Variants in MAPK10 observed in about 807,000 individuals in gnomAD.
MAPK10 encodes the protein mitogen-activated protein kinase 10, also known as JNK3 alpha protein kinase.
A neutral mutation model predicts 59.3 loss-of-function variants in MAPK10; 25 were observed. The ratio of observed to expected loss-of-function variants is 0.42; its 90% confidence interval spans 0.31 to 0.59. The LOEUF (loss-of-function observed/expected upper bound fraction) is 0.59, where lower values mean the gene tolerates loss of function less well. Among genes scored for constraint, MAPK10 ranks in the 20% least tolerant of loss-of-function variants. The pLI, the probability that MAPK10 is intolerant of heterozygous loss-of-function variation, is 0.15. For synonymous variants in MAPK10, 190 were observed against 200.5 expected, an observed-to-expected ratio of 0.95 and a Z score of 0.44; for missense variants, 351 against 568.9, an observed-to-expected ratio of 0.62 and a Z score of 3.90.
At chr4:86,189,332 G>A (rs969454360) in intron 3 of MAPK10, among the ~76,000 whole-genome samples, 2 of 152,192 alleles carry the variant, frequency 1.3e-5, no homozygotes, top group African/African-American at 4.8e-5. Context: ...AATTACTTTA[G>A]GCAGTATGGC....
chr4:86,472,364 C>G (rs1234245406), intron 1 of MAPK10, among the ~76,000 whole-genome samples: 1 of 151,812 alleles, frequency 6.6e-6, no homozygotes, highest in Non-Finnish European at 1.5e-5. Flanking sequence ...TTGTGAACAT[C>G]TAAGAAAAGT....
intron 1 of MAPK10, among the ~76,000 whole-genome samples, chr4:86,537,812 G>A (rs1392186626): frequency 6.6e-6 from 1 of 152,038 alleles, no homozygotes; most frequent in Non-Finnish European, 1.5e-5. Flanking sequence ...TTGATAAATG[G>A]CCATTATTAA....
intron 1 of MAPK10, among the ~76,000 whole-genome samples, chr4:86,377,018 C>T (rs1037172280): frequency 6.6e-5 from 10 of 152,304 alleles, no homozygotes; most frequent in African/African-American, 2.2e-4. Context: ...AGCAGGCAGC[C>T]ATTTCCAAGG....
chr4:86,288,915 T>A (rs937161694), intron 2 of MAPK10, among the ~76,000 whole-genome samples: 3 of 137,450 alleles, frequency 2.2e-5, no homozygotes, highest in Non-Finnish European at 1.5e-5. Flanking sequence ...AATATAGCAG[T>A]GAAAAATAAA....
chr4:86,524,261 T>C lies in MAPK10; in HGVS notation c.-263+69649A>G, dbSNP rs139252611. ...TTACCTAGTGTCAGATATTCTGTTA[T>C]GGTAACACAAAATTGACCAAGATAA... On this transcript the variant is annotated intron_variant, in intron 1 of 4. Coordinates refer to the MAPK10 transcript ENST00000502302. 1.4e-3 allele frequency among the ~76,000 whole-genome samples: 216 copies of C among 152,330 alleles called. 1 individual carries two copies. The highest frequency in any genetic ancestry group is 4.6e-3 in the African/African-American group (190 of 41,570).
chr4:86,274,148 T>C (rs2094507248), intron 2 of MAPK10, among the ~76,000 whole-genome samples: 1 of 152,036 alleles, frequency 6.6e-6, no homozygotes, highest in Admixed American at 6.6e-5. Context: ...TGGAGATAAA[T>C]CTATTAATAT....
At chr4:86,244,275 T>C (rs1466800644) in intron 2 of MAPK10, among the ~76,000 whole-genome samples, 2 of 152,124 alleles carry the variant, frequency 1.3e-5, no homozygotes, top group Admixed American at 1.3e-4. Flanking sequence ...AAATCAACCA[T>C]TTTATACCTC....
chr4:86,515,449 C>T (rs950222420), intron 1 of MAPK10, among the ~76,000 whole-genome samples: 5 of 152,184 alleles, frequency 3.3e-5, no homozygotes, highest in African/African-American at 1.2e-4. Context: ...TACATTCCCA[C>T]CATCAGTGTA....
At chr4:86,329,702 C>G (rs1469847579) in intron 2 of MAPK10, among the ~76,000 whole-genome samples, 1 of 152,146 alleles carries the variant, frequency 6.6e-6, no homozygotes, top group African/African-American at 2.4e-5. Context: ...CACAATTTGC[C>G]TTTCTTCCTT....
intron 13 of MAPK10, among the ~76,000 whole-genome samples, chr4:86,023,779 T>C (rs1432951303): frequency 7.0e-6 from 1 of 142,238 alleles, no homozygotes; most frequent in Non-Finnish European, 1.5e-5. Flanking sequence ...AGTTTCAGTG[T>C]CAGTGGATTG....
chr4:86,431,835 T>G (rs187956924), intron 1 of MAPK10, among the ~76,000 whole-genome samples: 1 of 152,280 alleles, frequency 6.6e-6, no homozygotes, highest in East Asian at 1.9e-4. Context: ...GGGACCCGTG[T>G]TTAAAAAAAT....
intron 11 of MAPK10, among the ~76,000 whole-genome samples, chr4:86,053,909 C>T (rs17011341): frequency 0.14 from 21,618 of 152,106 alleles, 1,862 homozygotes; most frequent in African/African-American, 0.23. Flanking sequence ...ATACCTCAGC[C>T]TTTCAGAGAG....
intron 3 of MAPK10, among the ~76,000 whole-genome samples, chr4:86,178,786 A>G (rs1265297386): frequency 6.6e-6 from 1 of 152,196 alleles, no homozygotes; most frequent in Admixed American, 6.6e-5. Flanking sequence ...AGAAAAACCT[A>G]AAGACTCTAC....
Position 86,067,823 on chromosome 4 carries a change from A to G in MAPK10, c.935T>C (p.Leu312Pro). 3 of 1,613,920 alleles carry G rather than the reference A, an allele frequency of 1.9e-6. No homozygotes were observed. The highest frequency in any genetic ancestry group is 1.7e-6 in the Non-Finnish European group (2 of 1,179,902). The change falls in exon 10 of 14, where the codon CTC becomes CCC. Residue 312 changes from leucine (L) to proline (P), a missense_variant. Leu to Pro is a moderately conservative substitution (Grantham distance 98, BLOSUM62 -3). This residue lies in a region of MAPK10 where 155 missense variants were observed against 204.2 expected (regional missense o/e 0.76). Coordinates refer to ENST00000641462, the MANE Select transcript of MAPK10 (RefSeq NM_138982.4). ...PKYAGLTFPKLFPDSLFPADS... is the reference protein window; with the variant it reads ...PKYAGLTFPKPFPDSLFPADS... ...CGCTGGGAAGAGGGAATCTGGGAAG[A>G]GTTTGGGGAAGGTGAGTCCCGCATA...
chr4:86,459,600 T>G (rs1469557709), intron 1 of MAPK10, among the ~76,000 whole-genome samples: 2 of 152,224 alleles, frequency 1.3e-5, no homozygotes, highest in Non-Finnish European at 2.9e-5. Context: ...AGGAATGAAT[T>G]AATGGCATTC....
At chr4:86,573,835 G>T (rs924780072) in intron 1 of MAPK10, among the ~76,000 whole-genome samples, 18 of 151,868 alleles carry the variant, frequency 1.2e-4, no homozygotes, top group Admixed American at 6.6e-5. Context: ...CATCCTTTTT[G>T]ATGCTATTGT....
intron 9 of MAPK10, among the ~76,000 whole-genome samples, chr4:86,076,239 G>A (rs957468704): frequency 9.2e-5 from 14 of 152,168 alleles, no homozygotes; most frequent in African/African-American, 3.1e-4. Context: ...GCAATGCCTC[G>A]CCCTGCTTCG....
intron 9 of MAPK10, among the ~76,000 whole-genome samples, chr4:86,083,628 A>G (rs747320341): frequency 5.3e-5 from 8 of 152,032 alleles, no homozygotes; most frequent in Non-Finnish European, 1.0e-4. Flanking sequence ...CTAGGTCACT[A>G]GGACTGCAAC....
At chr4:86,190,501 C>T (rs957832692) in intron 3 of MAPK10, among the ~76,000 whole-genome samples, 18 of 152,108 alleles carry the variant, frequency 1.2e-4, no homozygotes, top group African/African-American at 4.3e-4. Flanking sequence ...GGAATTTAAC[C>T]ATTTTTTCTA....
Sources: allele counts gnomAD v4.1 joint callset (sites outside exome capture counted in the v4.1 genomes callset), GRCh38; gene constraint gnomAD v4.1.1; regional missense constraint gnomAD v4.1.1; transcripts MANE v1.5; gene names NCBI Gene and HGNC (gene_info 2026-07-23, HGNC 2026-07-21).